SEMA3D: variants seen among roughly 807,000 people sequenced by gnomAD.
The protein encoded by SEMA3D is semaphorin 3D.
SEMA3D carries 84 observed loss-of-function variants against 100.1 expected under a neutral mutation model. The observed-to-expected ratio is 0.84, with a 90% CI of 0.70 to 1.01. The LOEUF is 1.01. Among genes scored for constraint, SEMA3D ranks in the 50% least tolerant of loss-of-function variants. SEMA3D has a pLI of 0.00. For synonymous variants in SEMA3D, 312 were observed against 320.7 expected (o/e 0.97, Z 0.29); for missense variants, 875 against 934.1 (o/e 0.94, Z 0.82).
chr7:85,213,968 G>A, the SEMA3D span, among the ~76,000 whole-genome samples: 2 of 152,078 alleles, frequency 1.3e-5, no homozygotes, highest in Non-Finnish European at 2.9e-5. Flanking sequence ...GAAAACATGT[G>A]CATCTATGTA....
chr7:85,012,103 C>T (rs1319204292), intron 17 of SEMA3D, among the ~76,000 whole-genome samples: 2 of 151,656 alleles, frequency 1.3e-5, no homozygotes, highest in Non-Finnish European at 2.9e-5. Flanking sequence ...CTCTTTTCCC[C>T]CACACTGGCC....
chr7:85,211,956 G>A, the SEMA3D span, among the ~76,000 whole-genome samples: 1 of 152,032 alleles, frequency 6.6e-6, no homozygotes, highest in Non-Finnish European at 1.5e-5. Context: ...TAAGACTTAT[G>A]GTCAACAATA....
At chr7:85,017,061 C>T (rs1340602556) in intron 15 of SEMA3D, among the ~76,000 whole-genome samples, 1 of 151,678 alleles carries the variant, frequency 6.6e-6, no homozygotes, top group East Asian at 2.0e-4. Context: ...ACATATGATC[C>T]ATACTCTAAT....
intron 1 of SEMA3D, among the ~76,000 whole-genome samples, chr7:85,170,990 A>C (rs1391100429): frequency 6.6e-6 from 1 of 152,034 alleles, no homozygotes; most frequent in Admixed American, 6.6e-5. Flanking sequence ...CAAAATTGTC[A>C]TTTATCTCTA....
chr7:85,140,025 C>G (rs1789997128), intron 2 of SEMA3D: 11 of 506,086 alleles, frequency 2.2e-5, no homozygotes, highest in Non-Finnish European at 2.8e-5. Context: ...ATTAGATAAA[C>G]TTGTTGCATG....
At chr7:85,159,505 T>G (rs866967905) in intron 1 of SEMA3D, among the ~76,000 whole-genome samples, 8 of 152,140 alleles carry the variant, frequency 5.3e-5, no homozygotes, top group South Asian at 2.1e-4. Context: ...ACAAACCACA[T>G]GTGTACTCTG....
intron 4 of SEMA3D, among the ~76,000 whole-genome samples, chr7:85,093,919 C>T (rs754120785): frequency 4.6e-5 from 7 of 151,808 alleles, no homozygotes; most frequent in Non-Finnish European, 1.0e-4. Flanking sequence ...CTCCTGTAAA[C>T]GTGAAGAACA....
intron 4 of SEMA3D, among the ~76,000 whole-genome samples, chr7:85,093,853 A>C (rs1262245398): frequency 6.6e-6 from 1 of 152,064 alleles, no homozygotes; most frequent in Non-Finnish European, 1.5e-5. Flanking sequence ...GACACAAATG[A>C]ATACTGACAA....
At chr7:85,134,591 CAT>C (rs1209364420) in intron 2 of SEMA3D, among the ~76,000 whole-genome samples, 1 of 151,976 alleles carries the variant, frequency 6.6e-6, no homozygotes, top group Non-Finnish European at 1.5e-5. Flanking sequence ...ACTACCGAAA[CAT>C]GTACTTTTAC....
chr7:85,098,079 A>C, intron 3 of SEMA3D, 114 bp from the exon 4 acceptor site: 1 of 634,042 alleles, frequency 1.6e-6, no homozygotes, highest in Non-Finnish European at 2.5e-6. Context: ...GGAAAGAAAA[A>C]GAAAGAAAGA....
chr7:85,149,586 G>A (rs1790308596), intron 2 of SEMA3D, among the ~76,000 whole-genome samples: 1 of 152,140 alleles, frequency 6.6e-6, no homozygotes, highest in African/African-American at 2.4e-5. Context: ...CAGACTTTGT[G>A]ATATTATAAA....
chr7:85,076,220 G>A (rs540047977), intron 5 of SEMA3D, among the ~76,000 whole-genome samples: 1 of 152,066 alleles, frequency 6.6e-6, no homozygotes, highest in Non-Finnish European at 1.5e-5. Flanking sequence ...ATGGCTTTCC[G>A]TAGGCCCTAC....
chr7:85,168,621 T>A (rs1790978601), intron 1 of SEMA3D, among the ~76,000 whole-genome samples: 2 of 86,642 alleles, frequency 2.3e-5, no homozygotes, highest in South Asian at 3.2e-4. Flanking sequence ...TCTGCAATTT[T>A]TTTTTTTTTT....
At chr7:85,071,409 C>T (rs540840440) in intron 6 of SEMA3D, among the ~76,000 whole-genome samples, 6 of 152,240 alleles carry the variant, frequency 3.9e-5, no homozygotes, top group Admixed American at 3.9e-4. Flanking sequence ...GGTTTGATCT[C>T]TGTGTGAATC....
chr7:85,140,390 A>G (rs1790013120), intron 2 of SEMA3D: 1 of 981,748 alleles, frequency 1.0e-6, no homozygotes, highest in South Asian at 4.7e-5. Flanking sequence ...AAATTATTCT[A>G]TTTTTGTGAA....
At chr7:85,178,768 C>G (rs768359254) in intron 1 of SEMA3D, among the ~76,000 whole-genome samples, 1 of 152,184 alleles carries the variant, frequency 6.6e-6, no homozygotes, top group Non-Finnish European at 1.5e-5. Context: ...GGGGAAATGT[C>G]TCCAGGGCAT....
chr7:85,038,932 A>C (rs2115969486), intron 11 of SEMA3D, among the ~76,000 whole-genome samples: 1 of 152,288 alleles, frequency 6.6e-6, no homozygotes, highest in Non-Finnish European at 1.5e-5. Context: ...GGTATTGTGA[A>C]CAAAATGAGG....
At chr7:85,144,857 T>C (rs1315508961) in intron 2 of SEMA3D, among the ~76,000 whole-genome samples, 3 of 152,160 alleles carry the variant, frequency 2.0e-5, no homozygotes, top group African/African-American at 4.8e-5. Context: ...ATTGTCATCA[T>C]AAATTAATCT....
chr7:85,053,640 G>T (rs1428727677), intron 9 of SEMA3D, among the ~76,000 whole-genome samples: 2 of 151,922 alleles, frequency 1.3e-5, no homozygotes, highest in Non-Finnish European at 2.9e-5. Flanking sequence ...TATTAAGTTA[G>T]AAACATGGGC....
Sources: gnomAD v4.1 joint callset for allele counts (sites outside exome capture counted in the v4.1 genomes callset) on GRCh38, gnomAD v4.1.1 for gene constraint, MANE v1.5 for transcripts, NCBI Gene and HGNC (gene_info 2026-07-23, HGNC 2026-07-21) for gene names.